The following AFAP1 variants were observed in gnomAD, a reference collection of about 807,000 sequenced individuals.
AFAP1 encodes the protein actin filament-associated protein 1.
Under a neutral mutation model 93.9 loss-of-function variants are expected in AFAP1, and 75 were observed. That is an observed-to-expected ratio of 0.80 (90% CI 0.66 to 0.97). The LOEUF is 0.97. Ranked by LOEUF, AFAP1 falls within the 50% of genes least tolerant of loss-of-function variation. The pLI is 0.00. For missense variants in AFAP1, 1,201 were observed against 1,050.8 expected, an observed-to-expected ratio of 1.14 and a Z score of -1.98; for synonymous variants, 517 against 430.7, an observed-to-expected ratio of 1.20 and a Z score of -2.48.
At chr4:7,873,953 T>C (rs1364973993) in intron 1 of AFAP1, among the ~76,000 whole-genome samples, 1 of 152,210 alleles carries the variant, frequency 6.6e-6, no homozygotes, top group Non-Finnish European at 1.5e-5. Context: ...AGCTTCCAAG[T>C]GAAAAAATAA....
intron 10 of AFAP1, among the ~76,000 whole-genome samples, chr4:7,798,233 T>C (rs1718652576): frequency 1.4e-5 from 2 of 143,792 alleles, no homozygotes; most frequent in African/African-American, 5.3e-5. Flanking sequence ...ATTGGCTGGC[T>C]CACGGCACTG....
intron 1 of AFAP1, among the ~76,000 whole-genome samples, chr4:7,937,097 T>A (rs1721430405): frequency 6.6e-6 from 1 of 152,052 alleles, no homozygotes. Context: ...ACAAACCAAT[T>A]GGATATAGTG....
Position 7,778,863 on chromosome 4 carries a change from T to C in AFAP1, c.1796A>G (p.Lys599Arg). The C allele has an allele frequency of 6.2e-7, 1 of 1,611,418 alleles. No individual in the cohort carries two copies. The highest frequency in any genetic ancestry group is 8.5e-7 in the Non-Finnish European group (1 of 1,177,798). Residue 599 changes from lysine to arginine, a missense_variant, in exon 14 of 18, where the codon AAG becomes AGG. Lys to Arg is a conservative substitution (Grantham distance 26, BLOSUM62 2). Coordinates refer to ENST00000420658, the MANE Select transcript of AFAP1 (RefSeq NM_001134647.2). Reference protein sequence around the residue: ...LGLNSQLKGKKPPVASNGVTG... With the variant: ...LGLNSQLKGKRPPVASNGVTG... ...GACCCCATTAGACGCCACGGGGGGC[T>C]TTTTACCCTTGAGCTGTTGAAATAA...
At chr4:7,813,202 T>C (rs1460852729) in intron 8 of AFAP1, among the ~76,000 whole-genome samples, 1 of 152,210 alleles carries the variant, frequency 6.6e-6, no homozygotes, top group African/African-American at 2.4e-5. Context: ...AGTTACCACA[T>C]GGCTGGGATA....
At chr4:7,856,355 G>C (rs1715064706) in intron 3 of AFAP1, among the ~76,000 whole-genome samples, 1 of 151,836 alleles carries the variant, frequency 6.6e-6, no homozygotes. Context: ...CCATTCTCCT[G>C]CCTCAGCCTC....
chr4:7,785,499 C>G (rs1307929046), intron 12 of AFAP1, among the ~76,000 whole-genome samples: 1 of 152,188 alleles, frequency 6.6e-6, no homozygotes, highest in Non-Finnish European at 1.5e-5. Context: ...GAGGGGATTT[C>G]ACAGCATTTT....
At chr4:7,806,132 C>T (rs1456670895) in intron 9 of AFAP1, among the ~76,000 whole-genome samples, 5 of 152,212 alleles carry the variant, frequency 3.3e-5, no homozygotes, top group African/African-American at 4.8e-5. Flanking sequence ...GGCCTTTGCG[C>T]ATGTCTCAGA....
At chr4:7,831,872 T>C (rs552136378) in intron 6 of AFAP1, among the ~76,000 whole-genome samples, 1 of 152,214 alleles carries the variant, frequency 6.6e-6, no homozygotes, top group East Asian at 1.9e-4. Flanking sequence ...TAATTGTCGT[T>C]CCCTCCTTAC....
At chr4:7,780,018 G>T (rs1716590963) in intron 13 of AFAP1, among the ~76,000 whole-genome samples, 1 of 152,224 alleles carries the variant, frequency 6.6e-6, no homozygotes. Flanking sequence ...CCAATGTGGG[G>T]ACAATCCAAG....
At chr4:7,796,493 T>C (rs1718428991) in intron 10 of AFAP1, among the ~76,000 whole-genome samples, 1 of 152,174 alleles carries the variant, frequency 6.6e-6, no homozygotes, top group East Asian at 1.9e-4. Context: ...CTCACGCCTG[T>C]AATCCCAGCA....
chr4:7,807,459 A>G (rs945050080), intron 9 of AFAP1, among the ~76,000 whole-genome samples: 84 of 152,320 alleles, frequency 5.5e-4, no homozygotes, highest in African/African-American at 1.9e-3. Context: ...GCACTTCGGC[A>G]GGGTGGCCGC....
rs759060811 is a variant in AFAP1 at position 7,872,092 on chromosome 4, A to C, written c.-2-12T>G. 4.3e-6 allele frequency: 7 copies of C among 1,613,786 alleles called. No individual in the cohort carries two copies. Reference sequence around the variant, plus strand: ...TAACTCTTCCATTGCTGACAACAAAAGAGGAAGAGTATTATTAGACCCAGT... The same window carrying C: ...TAACTCTTCCATTGCTGACAACAAACGAGGAAGAGTATTATTAGACCCAGT... On this transcript the variant is annotated splice_polypyrimidine_tract_variant and intron_variant, in intron 1 of 17. Coordinates refer to ENST00000420658, the MANE Select transcript of AFAP1 (RefSeq NM_001134647.2).
At chr4:7,927,582 T>C (rs912813061) in intron 1 of AFAP1, among the ~76,000 whole-genome samples, 1 of 152,118 alleles carries the variant, frequency 6.6e-6, no homozygotes, top group Non-Finnish European at 1.5e-5. Context: ...TCCAAAACTT[T>C]GGGAGGCCGA....
intron 4 of AFAP1, among the ~76,000 whole-genome samples, chr4:7,852,111 C>A (rs555972593): frequency 2.6e-5 from 4 of 152,106 alleles, no homozygotes; most frequent in Non-Finnish European, 5.9e-5. Flanking sequence ...ACTGGTGATA[C>A]CTTGTAGGCT....
At chr4:7,902,594 G>T (rs1719178171) in intron 1 of AFAP1, among the ~76,000 whole-genome samples, 1 of 152,118 alleles carries the variant, frequency 6.6e-6, no homozygotes, top group African/African-American at 2.4e-5. Context: ...GACATTTAAA[G>T]ACATCATAGA....
chr4:7,860,092 A>G (rs990811498), intron 3 of AFAP1, among the ~76,000 whole-genome samples: 1 of 152,226 alleles, frequency 6.6e-6, no homozygotes, highest in Non-Finnish European at 1.5e-5. Flanking sequence ...GCAGTGAGCC[A>G]TGATCATGCA....
intron 1 of AFAP1, among the ~76,000 whole-genome samples, chr4:7,898,805 AG>A (rs1156822728): frequency 2.0e-5 from 1 of 50,546 alleles, no homozygotes; most frequent in Non-Finnish European, 4.5e-5. Flanking sequence ...GCTGGGCAGT[AG>A]AAGTGTGTGT....
intron 1 of AFAP1, among the ~76,000 whole-genome samples, chr4:7,932,018 G>A (rs911629413): frequency 6.6e-6 from 1 of 151,950 alleles, no homozygotes; most frequent in African/African-American, 2.4e-5. Context: ...CCGCCACCAT[G>A]CCCGGCTAAT....
At chr4:7,938,360 C>T (rs1183462540) in intron 1 of AFAP1, among the ~76,000 whole-genome samples, 2 of 152,168 alleles carry the variant, frequency 1.3e-5, no homozygotes, top group African/African-American at 4.8e-5. Context: ...TGTTTGTCTC[C>T]GGGATCTTTA....
Sources: gnomAD v4.1 joint callset for allele counts (sites outside exome capture counted in the v4.1 genomes callset) on GRCh38, gnomAD v4.1.1 for gene constraint, MANE v1.5 for transcripts, NCBI Gene and HGNC (gene_info 2026-07-23, HGNC 2026-07-21) for gene names.